ITGAM: variants seen among roughly 807,000 people sequenced by gnomAD.
The protein encoded by ITGAM is integrin subunit alpha M.
In ITGAM, 79 loss-of-function variants were observed where a neutral mutation model predicts 137.5. The observed-to-expected ratio is 0.57, with a 90% CI of 0.48 to 0.69. The LOEUF (loss-of-function observed/expected upper bound fraction) is 0.69, where lower values mean the gene tolerates loss of function less well. Among genes scored for constraint, ITGAM ranks in the 30% least tolerant of loss-of-function variants. The pLI is 0.00. For synonymous variants in ITGAM, 583 were observed against 592.3 expected, an observed-to-expected ratio of 0.98 and a Z score of 0.23; for missense variants, 1,343 against 1,483.5, an observed-to-expected ratio of 0.91 and a Z score of 1.56.
chr16:31,330,288 T>A lies in ITGAM; in HGVS notation c.3061-20T>A, dbSNP rs370898069. On this transcript the variant is annotated intron_variant, in intron 26 of 29. Transcript: ENST00000544665. ...GCCTTCGGCTTCCTTACCCGTCCCC[T>A]CCCCTCCTGCGTTCCCCAGAACTGC... The A allele has an allele frequency of 2.2e-5, 36 of 1,603,826 alleles. No individual in the cohort carries two copies. Among genetic ancestry groups the A allele is most frequent in the Non-Finnish European group, 3.1e-5 (36 of 1,170,884 alleles).
intron 14 of ITGAM, among the ~76,000 whole-genome samples, chr16:31,305,071 G>C (rs189327408): frequency 6.6e-6 from 1 of 152,200 alleles, no homozygotes; most frequent in African/African-American, 2.4e-5. Context: ...TCACAATATT[G>C]ATTCTTCCTA....
chr16:31,278,864 T>C, intron 12 of ITGAM, among the ~76,000 whole-genome samples: 1 of 152,228 alleles, frequency 6.6e-6, no homozygotes. Flanking sequence ...ATTAGGTATA[T>C]CTGCTAATGC....
intron 14 of ITGAM, among the ~76,000 whole-genome samples, chr16:31,302,408 T>TCTTTCTTTCTTTCTTC (rs1567267833): frequency 9.2e-5 from 12 of 130,870 alleles, no homozygotes; most frequent in African/African-American, 1.6e-4. Flanking sequence ...TTCTTTTCTT[T>TCTTTCTTTCTTTCTTC]TTTCTTTCTT....
chr16:31,315,607 G>A (rs184293932), intron 14 of ITGAM, among the ~76,000 whole-genome samples: 175 of 151,942 alleles, frequency 1.2e-3, no homozygotes, highest in African/African-American at 3.8e-3. Context: ...ACAGGCCTCC[G>A]CCACCATGCC....
chr16:31,268,485 G>T (rs1431219975), intron 5 of ITGAM, among the ~76,000 whole-genome samples: 1 of 152,042 alleles, frequency 6.6e-6, no homozygotes. Flanking sequence ...AACATAATGA[G>T]ACCCCATCTC....
At position 31,297,827 on chromosome 16, in the gene ITGAM, T is replaced by TG; in HGVS notation, c.1585dup (p.Asp529GlyfsTer40). On this transcript the variant is annotated frameshift_variant, in exon 14 of 30. Transcript: ENST00000544665. LOFTEE classifies it high-confidence loss of function. ...CGCTTTGGGGCAGCCCTAACAGTGC[T>TG]GGGGGACGTAAATGGGGACAAGCTG... The TG allele has an allele frequency of 6.2e-7, 1 of 1,613,462 alleles. No homozygotes were observed. Among genetic ancestry groups the TG allele is most frequent in the Non-Finnish European group, 8.5e-7 (1 of 1,179,786 alleles).
At chr16:31,277,552 T>C (rs905236227) in intron 11 of ITGAM, among the ~76,000 whole-genome samples, 3 of 152,082 alleles carry the variant, frequency 2.0e-5, no homozygotes, top group Non-Finnish European at 4.4e-5. Context: ...GAGATGGGAT[T>C]TCTCCATGTC....
chr16:31,327,619 T>TAATAATAA (rs1469921279), intron 22 of ITGAM, among the ~76,000 whole-genome samples: 2 of 149,416 alleles, frequency 1.3e-5, no homozygotes, highest in African/African-American at 5.0e-5. Flanking sequence ...ATAATAATAA[T>TAATAATAA]AAAAAATAAA....
rs535336945 is a variant in ITGAM at position 31,288,854 on chromosome 16, A to G, written c.1357-8660A>G. On this transcript the variant is annotated intron_variant, in intron 12 of 29. Transcript: ENST00000544665. ...GAATGGGAGAAAATTTTTGCAATCT[A>G]CTCATCTGACAAAGGGCTAATATCC... is the stretch of plus-strand genomic sequence containing the variant. 3.3e-5 allele frequency among the ~76,000 whole-genome samples: 5 copies of G among 152,270 alleles called. No homozygotes were observed. In the East Asian group the frequency reaches 9.6e-4, roughly 29 times the overall value.
At chr16:31,274,113 A>G (rs2079880892) in intron 8 of ITGAM, among the ~76,000 whole-genome samples, 1 of 152,210 alleles carries the variant, frequency 6.6e-6, no homozygotes. Context: ...CGCTGATGCT[A>G]TTTCAATCAC....
intron 12 of ITGAM, among the ~76,000 whole-genome samples, chr16:31,290,157 G>A (rs7190018): frequency 0.18 from 26,935 of 151,482 alleles, 3,022 homozygotes; most frequent in African/African-American, 0.31. Flanking sequence ...CTTAGAAAAG[G>A]GGAACAAAGC....
At chr16:31,317,400 G>A (rs1238016730) in intron 14 of ITGAM, among the ~76,000 whole-genome samples, 1 of 152,108 alleles carries the variant, frequency 6.6e-6, no homozygotes, top group Non-Finnish European at 1.5e-5. Flanking sequence ...TGGGACCTTT[G>A]GAAGGTGTTT....
intron 13 of ITGAM, 26 bp from the exon 14 acceptor site, chr16:31,297,707 CGCCTGGGTTGGG>C: frequency 6.3e-7 from 1 of 1,585,000 alleles, no homozygotes; most frequent in Non-Finnish European, 8.6e-7. Flanking sequence ...GTGGAGGGGT[CGCCTGGGTTGGG>C]GCCTGATACT....
intron 26 of ITGAM, 22 bp from the exon 27 acceptor site, chr16:31,330,286 C>G: frequency 1.2e-6 from 2 of 1,602,676 alleles, no homozygotes; most frequent in Non-Finnish European, 1.7e-6. Context: ...TTACCCGTCC[C>G]CTCCCCTCCT....
intron 5 of ITGAM, among the ~76,000 whole-genome samples, 173 bp downstream of exon 5, chr16:31,266,320 G>A (rs1445364925): frequency 1.3e-5 from 2 of 151,520 alleles, no homozygotes; most frequent in East Asian, 1.9e-4. Flanking sequence ...TTAGGAAAAC[G>A]CCTTGGCTAG....
At chr16:31,322,211 A>C (rs933440147) in intron 16 of ITGAM, among the ~76,000 whole-genome samples, 1 of 152,078 alleles carries the variant, frequency 6.6e-6, no homozygotes, top group African/African-American at 2.4e-5. Context: ...CAGCTACTTG[A>C]GAGGCTGAGG....
At chr16:31,323,874 G>A (rs963031842) in intron 16 of ITGAM, among the ~76,000 whole-genome samples, 6 of 152,152 alleles carry the variant, frequency 3.9e-5, no homozygotes, top group African/African-American at 7.2e-5. Flanking sequence ...TTAGCACGGC[G>A]TGGTGGCATG....
chr16:31,325,252 T>C lies in ITGAM; in HGVS notation c.2364-11T>C. On this transcript the variant is annotated splice_polypyrimidine_tract_variant and intron_variant, in intron 19 of 29. Coordinates refer to ENST00000544665, the MANE Select transcript of ITGAM (RefSeq NM_000632.4). The stretch of plus-strand genomic sequence containing the variant: ...CGCCCCATCCCCCGGCCTGTCTTCT[T>C]CTTCCCACAGCCTGGACTGCCTCGT... 1 of 1,606,864 alleles carries C rather than the reference T, an allele frequency of 6.2e-7. No individual in the cohort carries two copies. The highest frequency in any genetic ancestry group is 8.5e-7 in the Non-Finnish European group (1 of 1,176,462).
chr16:31,270,829 A>T (rs2079831363), intron 5 of ITGAM, 125 bp from the exon 6 acceptor site: 1 of 286,646 alleles, frequency 3.5e-6, no homozygotes, highest in African/African-American at 2.3e-5. Context: ...TATATATTTA[A>T]CATCTATATT....
Sources: gnomAD v4.1 joint callset for allele counts (sites outside exome capture counted in the v4.1 genomes callset) on GRCh38, gnomAD v4.1.1 for gene constraint, MANE v1.5 for transcripts, NCBI Gene and HGNC (gene_info 2026-07-23, HGNC 2026-07-21) for gene names.